SLC25A22: variants seen among roughly 807,000 people sequenced by gnomAD.
The protein encoded by SLC25A22 is mitochondrial glutamate carrier 1.
SLC25A22 carries 23 observed loss-of-function variants against 33.7 expected under a neutral mutation model. The observed-to-expected ratio is 0.68, with a 90% CI of 0.49 to 0.97. The LOEUF (loss-of-function observed/expected upper bound fraction) is 0.97. SLC25A22 is among the 50% of genes least tolerant of loss of function. The pLI is 0.00. For missense variants in SLC25A22, 390 were observed against 451.1 expected, an observed-to-expected ratio of 0.86 and a Z score of 1.23; for synonymous variants, 245 against 203.8, an observed-to-expected ratio of 1.20 and a Z score of -1.72.
chr11:795,789 T>G (rs1332689435), intron 1 of SLC25A22: 2 of 148,854 alleles, frequency 1.3e-5, no homozygotes, highest in African/African-American at 5.1e-5. Context: ...GTTTCACTCA[T>G]GGACACACAG....
chr11:791,820 G>A lies in SLC25A22; in HGVS notation c.*95C>T. On this transcript the variant is annotated 3_prime_UTR_variant, in exon 10 of 10. Transcript: ENST00000628067. The stretch of plus-strand genomic sequence containing the variant: ...CTGCCCCTGCCGACGGGAGGGCTGG[G>A]GAGGGGTCTTCCCTTGCTCCGTCCT... 2 of 1,458,758 alleles carry A rather than the reference G, an allele frequency of 1.4e-6. No individual in the cohort carries two copies. Among genetic ancestry groups the A allele is most frequent in the South Asian group, 2.7e-5 (2 of 73,758 alleles). 90.4% of individuals were successfully genotyped at this position (1,458,758 alleles called of 1,614,324 possible). A position where few individuals can be genotyped will look rare whatever the true frequency, so the allele number is the denominator to read the frequency against.
At chr11:792,763 C>T (rs138578986) in intron 6 of SLC25A22, 36 bp from the exon 7 acceptor site, 10 of 1,545,368 alleles carry the variant, frequency 6.5e-6, no homozygotes, top group African/African-American at 2.7e-5. Context: ...CTCTTCTGTG[C>T]GAACTGGGCA....
At position 792,699 on chromosome 11, in the gene SLC25A22, C is replaced by T. The variant is rs1462615618; in HGVS notation, c.441G>A (p.Gln147=). Residue 147 remains glutamine, a synonymous_variant, in exon 7 of 10, where the codon CAG becomes CAA. Coordinates refer to ENST00000628067, the MANE Select transcript of SLC25A22 (RefSeq NM_001191061.2). The part of the protein sequence containing the change: ...IAAQRKILAA[Q]GQLSAQGGAQ... The stretch of plus-strand genomic sequence containing the variant: ...CACCCCCCTGGGCCGAGAGCTGGCC[C>T]TGGGCAGCCAGGATCTTCCTCTGGG... The T allele has an allele frequency of 1.9e-6, 3 of 1,551,906 alleles. No homozygotes were observed. Among genetic ancestry groups the T allele is most frequent in the Non-Finnish European group, 1.7e-6 (2 of 1,152,226 alleles).
In SLC25A22 at chr11:793,559, TC is replaced by T; in HGVS notation, c.262del (p.Asp88ThrfsTer14). 6.2e-7 allele frequency: 1 copy of T among 1,612,622 alleles called. No individual in the cohort carries two copies. Among genetic ancestry groups the T allele is most frequent in the Non-Finnish European group, 8.5e-7 (1 of 1,179,868 alleles). The stretch of plus-strand genomic sequence containing the variant: ...CTTAGAGAGCTGATGTCGGAAGAAG[TC>T]GTTGGCTGCCAGCTTGATGGCCTTC... ...PEKAIKLAAN[D>X]FFRHQLSKDG... On this transcript the variant is annotated frameshift_variant, in exon 5 of 10. Transcript: ENST00000628067. LOFTEE classifies it high-confidence loss of function.
chr11:794,574 C>T, intron 3 of SLC25A22, 61 bp from the exon 4 acceptor site: 2 of 1,590,252 alleles, frequency 1.3e-6, no homozygotes, highest in Non-Finnish European at 1.7e-6. Flanking sequence ...GCCAGGGTCC[C>T]TGGACTGTCT....
At chr11:794,177 G>A (rs945791147) in intron 4 of SLC25A22, 2 of 688,526 alleles carry the variant, frequency 2.9e-6, no homozygotes, top group Non-Finnish European at 5.3e-6. Flanking sequence ...GGCCCAGAAG[G>A]CAGAGGCAGC....
rs1048210490 is a variant in SLC25A22 at position 798,213 on chromosome 11, T to A, written c.-164+4A>T. The A allele has an allele frequency of 7.6e-6, 3 of 396,290 alleles. No individual in the cohort carries two copies. The highest frequency in any genetic ancestry group is 2.6e-4 in the South Asian group (2 of 7,840). 24.5% of individuals were successfully genotyped at this position (396,290 alleles called of 1,614,324 possible). On this transcript the variant is annotated splice_donor_region_variant and intron_variant, in intron 1 of 9. Coordinates refer to ENST00000628067, the MANE Select transcript of SLC25A22 (RefSeq NM_001191061.2). Reference sequence around the variant, plus strand: ...CAGAAGGGAGCCGCCGGGCAGACACTCACCACGCTCGCCGCCGCCGCCGCG... The same window carrying A: ...CAGAAGGGAGCCGCCGGGCAGACACACACCACGCTCGCCGCCGCCGCCGCG...
At chr11:793,778 G>T (rs1485096534) in intron 4 of SLC25A22, 159 bp from the exon 5 acceptor site, 1 of 642,208 alleles carries the variant, frequency 1.6e-6, no homozygotes, top group African/African-American at 1.8e-5. Context: ...TGCCAGGTGG[G>T]GCGGGGCCAG....
chr11:790,672 T>C lies in SLC25A22; in HGVS notation c.*1243A>G, dbSNP rs1299719406. On this transcript the variant is annotated 3_prime_UTR_variant, in exon 10 of 10. Transcript: ENST00000628067. Reference sequence around the variant, plus strand: ...AGGCCTGAGCCCCAGGTAGTGTCGCTGGGAAGGGGCCTCTGTGGAGGGCCC... The same window carrying C: ...AGGCCTGAGCCCCAGGTAGTGTCGCCGGGAAGGGGCCTCTGTGGAGGGCCC... 6.6e-6 allele frequency: 1 copy of C among 152,032 alleles called. No homozygotes were observed. The highest frequency in any genetic ancestry group is 1.5e-5 in the Non-Finnish European group (1 of 68,036). 9.4% of individuals were successfully genotyped at this position (152,032 alleles called of 1,614,324 possible).
chr11:793,229 T>C (rs1017883596), intron 5 of SLC25A22, among the ~76,000 whole-genome samples: 1 of 151,578 alleles, frequency 6.6e-6, no homozygotes, highest in Non-Finnish European at 1.5e-5. Flanking sequence ...CAAAGGAAAA[T>C]GGGAAATTGG....
intron 1 of SLC25A22, chr11:796,291 C>T (rs1313404820): frequency 4.4e-5 from 3 of 68,012 alleles, no homozygotes; most frequent in South Asian, 6.0e-4. Context: ...AGGGATTGGC[C>T]GTGGGGCGGG....
In SLC25A22 at chr11:792,123, C is replaced by T. The variant is rs780573606; in HGVS notation, c.818+19G>A. 12 of 1,610,114 alleles carry T rather than the reference C, an allele frequency of 7.5e-6. No individual in the cohort carries two copies. Among genetic ancestry groups the T allele is most frequent in the Middle Eastern group, 1.6e-4 (1 of 6,078 alleles). Reference sequence around the variant, plus strand: ...GGTACGCAGGCCCCCAGGCCCCACCCGCCGTGGGACCTCCCCACCTGGCAC... The same window carrying T: ...GGTACGCAGGCCCCCAGGCCCCACCTGCCGTGGGACCTCCCCACCTGGCAC... On this transcript the variant is annotated intron_variant, in intron 9 of 9. Coordinates refer to ENST00000628067, the MANE Select transcript of SLC25A22 (RefSeq NM_001191061.2).
rs1005995268 is a variant in SLC25A22, at chr11:795,411, G to T, written c.-163-242C>A. ...AGCGTCTTCCCAGCCAGCCTCACAC[G>T]CCGCTCACGCTCGGGGCTCACGTGC... is the stretch of plus-strand genomic sequence containing the variant. On this transcript the variant is annotated intron_variant, in intron 1 of 9. Coordinates refer to ENST00000628067, the MANE Select transcript of SLC25A22 (RefSeq NM_001191061.2). 1.6e-5 allele frequency: 5 copies of T among 305,534 alleles called. No individual in the cohort carries two copies. The East Asian group carries it at 3.7e-4, about 23-fold the overall frequency. The allele number at this position is 305,534 out of a possible 1,614,324, so 18.9% of individuals were successfully genotyped here.
intron 8 of SLC25A22, 43 bp downstream of exon 8, chr11:792,261 A>G: frequency 4.3e-6 from 7 of 1,612,996 alleles, no homozygotes; most frequent in Non-Finnish European, 5.9e-6. Context: ...CCAAGGGCTC[A>G]GTCCCGCCCC....
chr11:791,868 C>T lies in SLC25A22; in HGVS notation c.*47G>A. ...CCTGGGCTAGCTGCCTGGCTCCAGC[C>T]CCACACCGGCCCTGCCCAGCTGGCT... On this transcript the variant is annotated 3_prime_UTR_variant, in exon 10 of 10. Coordinates refer to ENST00000628067, the MANE Select transcript of SLC25A22 (RefSeq NM_001191061.2). The T allele has an allele frequency of 1.3e-6, 2 of 1,547,606 alleles. No homozygotes were observed. The highest frequency in any genetic ancestry group is 1.7e-6 in the Non-Finnish European group (2 of 1,153,616).
intron 8 of SLC25A22, 22 bp from the exon 9 acceptor site, chr11:792,239 G>A: frequency 1.2e-6 from 2 of 1,612,992 alleles, no homozygotes; most frequent in Non-Finnish European, 1.7e-6. Context: ...GCTCGGGTCA[G>A]TGTGAGCCTG....
intron 1 of SLC25A22, chr11:795,419 C>A (rs1461037307): frequency 1.3e-5 from 5 of 376,412 alleles, no homozygotes; most frequent in Admixed American, 1.1e-4. Context: ...ACGCCGCTCA[C>A]GCTCGGGGCT....
chr11:792,171 G>A lies in SLC25A22; in HGVS notation c.789C>T (p.Asp263=). 1.2e-6 allele frequency: 2 copies of A among 1,612,896 alleles called. No individual in the cohort carries two copies. The highest frequency in any genetic ancestry group is 1.1e-5 in the South Asian group (1 of 91,076). The change falls in exon 9 of 10, where the codon GAC becomes GAT. Residue 263 remains aspartate (D), a synonymous_variant. Transcript: ENST00000628067. ...CACAGTCCAGGATCCCAGAGTAGGT[G>A]TCCTCGTTGACGCCTCGCTGAAGTG... is the stretch of plus-strand genomic sequence containing the variant. ...LQSLQRGVNE[D]TYSGILDCAR...
Position 792,162 on chromosome 11 carries a change from A to G in SLC25A22, c.798T>C (p.Ser266=). 2 of 1,612,756 alleles carry G rather than the reference A, an allele frequency of 1.2e-6. No homozygotes were observed. Among genetic ancestry groups the G allele is most frequent in the Non-Finnish European group, 1.7e-6 (2 of 1,179,814 alleles). The change falls in exon 9 of 10, where the codon TCT becomes TCC. Residue 266 remains serine, a synonymous_variant. Transcript: ENST00000628067. The part of the protein sequence containing the change: ...LQRGVNEDTY[S]GILDCARKIL... ...CCCACCTGGCACAGTCCAGGATCCC[A>G]GAGTAGGTGTCCTCGTTGACGCCTC...
Sources: gnomAD v4.1 joint callset for allele counts (sites outside exome capture counted in the v4.1 genomes callset) on GRCh38, gnomAD v4.1.1 for gene constraint, MANE v1.5 for transcripts, NCBI Gene and HGNC (gene_info 2026-07-23, HGNC 2026-07-21) for gene names.